Variants in SIGLEC9 observed in about 807,000 individuals in gnomAD.
The protein encoded by SIGLEC9 is sialic acid-binding Ig-like lectin 9.
A neutral mutation model predicts 38.3 loss-of-function variants in SIGLEC9; 26 were observed. The observed-to-expected ratio is 0.68, with a 90% CI of 0.50 to 0.94. SIGLEC9 has a LOEUF of 0.94. SIGLEC9 is among the 40% of genes least tolerant of loss of function. SIGLEC9 has a pLI of 0.00. For synonymous variants in SIGLEC9, 236 were observed against 248.0 expected (o/e 0.95, Z 0.45); for missense variants, 556 against 585.7 (o/e 0.95, Z 0.52).
At chr19:51,122,083 C>T (rs78993239), upstream of SIGLEC9, among the ~76,000 whole-genome samples, 559 of 152,280 alleles carry the variant, frequency 3.7e-3, 7 homozygotes, top group South Asian at 0.013. The surrounding 1 kb of genome is among the most constrained non-coding windows in gnomAD (Gnocchi z 4.1). Flanking sequence ...CCCAACACCT[C>T]CATGTCCCCT....
At chr19:51,132,715 A>G (rs2092023353), downstream of SIGLEC9, among the ~76,000 whole-genome samples, 1 of 152,222 alleles carries the variant, frequency 6.6e-6, no homozygotes, top group South Asian at 2.1e-4. Flanking sequence ...TACAAGCTGT[A>G]TAAACCTCTT....
At chr19:51,127,821 C>G in intron 4 of SIGLEC9, 128 bp from the exon 5 acceptor site, 3 of 622,772 alleles carry the variant, frequency 4.8e-6, no homozygotes, top group Non-Finnish European at 5.8e-6. Context: ...CCTGCTCTCT[C>G]TCATTCCTGT....
At position 51,130,096 on chromosome 19, in the gene SIGLEC9, A is replaced by T. The variant is rs1439097034; in HGVS notation, c.*17A>T. The T allele has an allele frequency of 1.3e-6, 2 of 1,589,696 alleles. No individual in the cohort carries two copies. Among genetic ancestry groups the T allele is most frequent in the Non-Finnish European group, 1.7e-6 (2 of 1,166,456 alleles). On this transcript the variant is annotated 3_prime_UTR_variant, in exon 7 of 7. Transcript: ENST00000250360. ...CACAGATGAGAAACTGCAGAGACTC[A>T]CCCTGATTGAGGGATCACAGCCCCT...
rs536858713 is a variant in SIGLEC9 at position 51,126,147 on chromosome 19, C to G, written c.748+19C>G. The G allele has an allele frequency of 3.1e-6, 5 of 1,611,612 alleles. No homozygotes were observed. The highest frequency in any genetic ancestry group is 1.3e-5 in the African/African-American group (1 of 74,874). On this transcript the variant is annotated intron_variant, in intron 3 of 6. Coordinates refer to ENST00000250360, the MANE Select transcript of SIGLEC9 (RefSeq NM_014441.3). ...GGCACAGGTAGGATGGAGCTCCCTC[C>G]CTGGGGCTGGAGGAGCAGGGCCTTC...
At chr19:51,133,301 G>A (rs2092026624), downstream of SIGLEC9, among the ~76,000 whole-genome samples, 1 of 151,990 alleles carries the variant, frequency 6.6e-6, no homozygotes, top group Non-Finnish European at 1.5e-5. Context: ...GGTCGGGCGC[G>A]GTGGCTCACA....
At chr19:51,126,714 G>A (rs1568611790) in intron 3 of SIGLEC9, among the ~76,000 whole-genome samples, 1 of 152,200 alleles carries the variant, frequency 6.6e-6, no homozygotes, top group Admixed American at 6.5e-5. Context: ...GGAAGATCAC[G>A]GCACTAATTT....
At chr19:51,127,768 G>A (rs1316236752) in intron 4 of SIGLEC9, among the ~76,000 whole-genome samples, 181 bp from the exon 5 acceptor site, 1 of 152,174 alleles carries the variant, frequency 6.6e-6, no homozygotes, top group Non-Finnish European at 1.5e-5. Context: ...GGAATGGCTG[G>A]CACTTGCACG....
downstream of SIGLEC9, among the ~76,000 whole-genome samples, chr19:51,133,295 G>A (rs2092026557): frequency 6.6e-6 from 1 of 151,952 alleles, no homozygotes; most frequent in Non-Finnish European, 1.5e-5. Flanking sequence ...GTAGGTGGTC[G>A]GGCGCGGTGG....
chr19:51,126,109 C>CT lies in SIGLEC9; in HGVS notation c.731dup (p.Gln245ProfsTer31), dbSNP rs771857743. On this transcript the variant is annotated frameshift_variant, in exon 3 of 7. Coordinates refer to ENST00000250360, the MANE Select transcript of SIGLEC9 (RefSeq NM_014441.3). LOFTEE classifies it high-confidence loss of function. Reference sequence around the variant, plus strand: ...CGCCTCAGAACTTGACCATGACTGTCTTCCAAGGAGACGGCACAGGTAGGA... The same window carrying CT: ...CGCCTCAGAACTTGACCATGACTGTCTTTCCAAGGAGACGGCACAGGTAGGA... 2 of 1,614,078 alleles carry CT rather than the reference C, an allele frequency of 1.2e-6. No individual in the cohort carries two copies. Among genetic ancestry groups the CT allele is most frequent in the East Asian group, 4.5e-5 (2 of 44,870 alleles).
upstream of SIGLEC9, among the ~76,000 whole-genome samples, chr19:51,124,379 C>T (rs949560892): frequency 7.2e-5 from 11 of 152,278 alleles, no homozygotes; most frequent in African/African-American, 2.6e-4. Context: ...ACTGAAGCTC[C>T]TGCCGTGGAC....
At chr19:51,134,901 A>T (rs2122863717), downstream of SIGLEC9, among the ~76,000 whole-genome samples, 1 of 152,252 alleles carries the variant, frequency 6.6e-6, no homozygotes, top group East Asian at 1.9e-4. Flanking sequence ...GGATGCTAGG[A>T]CCAAACTGGA....
downstream of SIGLEC9, among the ~76,000 whole-genome samples, chr19:51,132,249 A>G (rs530088208): frequency 5.1e-4 from 78 of 152,162 alleles, no homozygotes; most frequent in Admixed American, 5.1e-3. Flanking sequence ...GCTTCCTGAG[A>G]CCCTCACCAG....
chr19:51,121,176 G>A (rs1349607711), upstream of SIGLEC9, among the ~76,000 whole-genome samples: 1 of 151,908 alleles, frequency 6.6e-6, no homozygotes, highest in African/African-American at 2.4e-5. Flanking sequence ...TTTGTTTTGA[G>A]ATGGAGTCTC....
At chr19:51,134,156 T>TC (rs1223342628), downstream of SIGLEC9, among the ~76,000 whole-genome samples, 1 of 127,536 alleles carries the variant, frequency 7.8e-6, no homozygotes, top group Non-Finnish European at 1.6e-5. Flanking sequence ...TCTTTTTTTT[T>TC]TTTTTTTTTT....
chr19:51,132,650 G>A (rs1161605608), downstream of SIGLEC9, among the ~76,000 whole-genome samples: 1 of 152,296 alleles, frequency 6.6e-6, no homozygotes, highest in East Asian at 1.9e-4. Context: ...TGCTGCCGCC[G>A]CATCCCGCTC....
chr19:51,125,363 A>G lies in SIGLEC9; in HGVS notation c.389A>G (p.Tyr130Cys), dbSNP rs753572784. The change falls in exon 1 of 7, where the codon TAT (tyrosine) becomes TGT (cysteine). Residue 130 changes from tyrosine to cysteine, a missense_variant. Coordinates refer to ENST00000250360, the MANE Select transcript of SIGLEC9 (RefSeq NM_014441.3). The part of the protein sequence containing the change: ...RMEKGSIKWN[Y>C]KHHRLSVNVT... ...GAGAAAGGAAGTATAAAATGGAATT[A>G]TAAACATCACCGGCTCTCTGTGAAT... 1 of 1,597,936 alleles carries G rather than the reference A, an allele frequency of 6.3e-7. No individual in the cohort carries two copies.
chr19:51,125,277 T>C lies in SIGLEC9; in HGVS notation c.303T>C (p.Asn101=). 1.9e-6 allele frequency: 3 copies of C among 1,613,898 alleles called. No homozygotes were observed. The highest frequency in any genetic ancestry group is 1.1e-5 in the South Asian group (1 of 91,068). Residue 101 remains asparagine, a synonymous_variant, in exon 1 of 7, where the codon AAT becomes AAC. Transcript: ENST00000250360. ...TCCTTGGGGACCCACATACCAAGAA[T>C]TGCACCCTGAGCATCAGAGATGCCA... ...FHLLGDPHTK[N]CTLSIRDARR...
chr19:51,133,583 A>AAAAT (rs1245591861), downstream of SIGLEC9, among the ~76,000 whole-genome samples: 1 of 152,166 alleles, frequency 6.6e-6, no homozygotes, highest in Non-Finnish European at 1.5e-5. Flanking sequence ...CCCCATCTTG[A>AAAAT]AAATAAATAA....
chr19:51,133,497 T>C (rs1227386508), downstream of SIGLEC9, among the ~76,000 whole-genome samples: 2 of 151,926 alleles, frequency 1.3e-5, no homozygotes, highest in Non-Finnish European at 2.9e-5. Context: ...GAAGCAGAAT[T>C]GCTTGAACCC....
Sources: gnomAD v4.1 joint callset for allele counts (sites outside exome capture counted in the v4.1 genomes callset) on GRCh38, gnomAD v4.1.1 for gene constraint, Gnocchi (gnomAD v3.1) non-coding constraint, MANE v1.5 for transcripts, NCBI Gene and HGNC (gene_info 2026-07-23, HGNC 2026-07-21) for gene names.